Variants in NFYA observed in about 807,000 individuals in gnomAD.
The protein encoded by NFYA is nuclear transcription factor Y subunit alpha.
NFYA carries 28 observed loss-of-function variants against 52.8 expected under a neutral mutation model. The ratio of observed to expected loss-of-function variants is 0.53; its 90% CI spans 0.39 to 0.73. The LOEUF is 0.73. Ranked by LOEUF, NFYA falls within the 30% of genes least tolerant of loss-of-function variation. NFYA has a pLI of 0.00. For missense variants in NFYA, 234 were observed against 427.0 expected (o/e 0.55, Z 3.98); for synonymous variants, 150 against 150.7 (o/e 1.00, Z 0.03).
At position 41,097,392 on chromosome 6, in the gene NFYA, G is replaced by T; in HGVS notation, c.1026G>T (p.Gln342His). The change falls in exon 10 of 10, where the codon CAG becomes CAT. Residue 342 changes from glutamine (Q) to histidine (H), a missense_variant. By Grantham distance (24) the Gln-to-His change is conservative (BLOSUM62 0). This residue lies in a region of NFYA where 35 missense variants were observed against 34.2 expected (regional missense o/e 1.02). Transcript: ENST00000341376. ...PNQADEEAMT[Q>H]IIRVS ...AAGCCGATGAAGAAGCAATGACACAGATCATCCGAGTGTCCTAACCCCACG... is the reference window on the plus strand; with the variant it reads ...AAGCCGATGAAGAAGCAATGACACATATCATCCGAGTGTCCTAACCCCACG... The T allele has an allele frequency of 2.5e-6, 4 of 1,614,018 alleles. No homozygotes were observed. The highest frequency in any genetic ancestry group is 3.4e-6 in the Non-Finnish European group (4 of 1,179,918).
chr6:41,097,169 G>A (rs1422987955), intron 9 of NFYA, among the ~76,000 whole-genome samples, 188 bp from the exon 10 acceptor site: 2 of 152,142 alleles, frequency 1.3e-5, no homozygotes, highest in Non-Finnish European at 2.9e-5. Flanking sequence ...TTAAGAATAA[G>A]GTTTATTGTC....
At chr6:41,078,968 T>G (rs1327850666) in intron 1 of NFYA, 61 bp from the exon 2 acceptor site, 7 of 720,120 alleles carry the variant, frequency 9.7e-6, no homozygotes, top group Non-Finnish European at 1.4e-5. Flanking sequence ...TCCAGGTTAA[T>G]TGTCTGGTAA....
intron 1 of NFYA, among the ~76,000 whole-genome samples, chr6:41,073,945 G>GT (rs979523206): frequency 6.6e-6 from 1 of 151,496 alleles, no homozygotes; most frequent in African/African-American, 2.4e-5. Flanking sequence ...TGTCCGGGCT[G>GT]TAAGACCAGT....
At chr6:41,074,784 T>C (rs1258348034) in intron 1 of NFYA, among the ~76,000 whole-genome samples, 1 of 152,216 alleles carries the variant, frequency 6.6e-6, no homozygotes, top group Non-Finnish European at 1.5e-5. Context: ...TTTCCTAAGA[T>C]TGAAAAAACG....
At position 41,090,454 on chromosome 6, in the gene NFYA, T is replaced by C. The variant is rs949898194; in HGVS notation, c.547+145T>C. 1.6e-5 allele frequency: 9 copies of C among 562,674 alleles called. No homozygotes were observed. The East Asian group carries it at 1.8e-4, about 11-fold the overall frequency. 34.9% of individuals were successfully genotyped at this position (562,674 alleles called of 1,614,324 possible). A position where few individuals can be genotyped will look rare whatever the true frequency, so the allele number is the denominator to read the frequency against. ...AAAAAAGATTTCCTCTAGCTCTCCA[T>C]TGATTGTTGGTTTCTTGTCACCATC... On this transcript the variant is annotated intron_variant, in intron 6 of 9. Coordinates refer to ENST00000341376, the MANE Select transcript of NFYA (RefSeq NM_002505.5).
chr6:41,086,137 C>T (rs917417188), intron 4 of NFYA, among the ~76,000 whole-genome samples: 3 of 152,184 alleles, frequency 2.0e-5, no homozygotes, highest in Non-Finnish European at 2.9e-5. Context: ...CCCCTTGCTG[C>T]GCCTTCTCCA....
intron 4 of NFYA, among the ~76,000 whole-genome samples, chr6:41,086,578 CT>C (rs1264799918): frequency 6.6e-6 from 1 of 151,934 alleles, no homozygotes; most frequent in Non-Finnish European, 1.5e-5. Context: ...ACTTCTTAAC[CT>C]TTTTTGAATT....
Position 41,101,971 on chromosome 6 carries a change from A to T in NFYA, c.*4561A>T, listed in dbSNP as rs1177447203. Reference sequence around the variant, plus strand: ...GGAGAAAGGGGCCAAAAAGTTTAGGATTTGGAGTTAACATCGTAATTTCTG... The same window carrying T: ...GGAGAAAGGGGCCAAAAAGTTTAGGTTTTGGAGTTAACATCGTAATTTCTG... On this transcript the variant is annotated 3_prime_UTR_variant, in exon 10 of 10. Transcript: ENST00000341376. 6.6e-6 allele frequency: 1 copy of T among 152,218 alleles called. No homozygotes were observed. The highest frequency in any genetic ancestry group is 2.4e-5 in the African/African-American group (1 of 41,432). The allele number at this position is 152,218 out of a possible 1,614,324, so 9.4% of individuals were successfully genotyped here. A position where few individuals can be genotyped will look rare whatever the true frequency, so the allele number is the denominator to read the frequency against.
chr6:41,075,970 A>G (rs1394271854), intron 1 of NFYA, among the ~76,000 whole-genome samples: 1 of 152,222 alleles, frequency 6.6e-6, no homozygotes, highest in Non-Finnish European at 1.5e-5. Context: ...GAAAGCTCCA[A>G]TCCAGAAATC....
intron 7 of NFYA, 77 bp from the exon 8 acceptor site, chr6:41,092,831 AATGG>A (rs1764230955): frequency 6.8e-7 from 1 of 1,460,012 alleles, no homozygotes; most frequent in Non-Finnish European, 9.2e-7. Context: ...TTACAAAAAA[AATGG>A]ATGAAGAGGA....
Position 41,085,117 on chromosome 6 carries a change from CATT to C in NFYA, c.309+929_309+931del, listed in dbSNP as rs553799334. Among the ~76,000 whole-genome samples the C allele has an allele frequency of 1.8e-3, 267 of 152,094 alleles. 3 individuals are homozygous for C. Among genetic ancestry groups the C allele is most frequent in the African/African-American group, 5.6e-3 (234 of 41,498 alleles). ...ATGGATGTGGAGAAAAAGAATTAAT[CATT>C]ATTTTTGGTAATTTAAAACTGTAGA... On this transcript the variant is annotated intron_variant, in intron 4 of 9. Transcript: ENST00000341376.
At chr6:41,073,301 A>T (rs1763588439) in intron 1 of NFYA, among the ~76,000 whole-genome samples, 1 of 150,832 alleles carries the variant, frequency 6.6e-6, no homozygotes, top group South Asian at 2.1e-4. Flanking sequence ...CCGCGCGGGG[A>T]TGGCGCCTCG....
chr6:41,093,126 C>A (rs750631193), intron 8 of NFYA, 41 bp downstream of exon 8: 190 of 1,547,210 alleles, frequency 1.2e-4, no homozygotes, highest in Non-Finnish European at 1.5e-4. Context: ...AGGAGAATAG[C>A]AGGGTTCTAC....
In NFYA at chr6:41,093,086, G is replaced by A; in HGVS notation, c.888+1G>A. On this transcript the variant is annotated splice_donor_variant, in intron 8 of 9. Coordinates refer to ENST00000341376, the MANE Select transcript of NFYA (RefSeq NM_002505.5). LOFTEE classifies it high-confidence loss of function. ...AGGGAAAATTCCAAAGGAGAGAAGG[G>A]TATGTATAACATTGGGAAGGATATA... 1.2e-6 allele frequency: 2 copies of A among 1,613,704 alleles called. No individual in the cohort carries two copies. The highest frequency in any genetic ancestry group is 1.7e-6 in the Non-Finnish European group (2 of 1,179,740).
chr6:41,073,070 GGGGAGCGA>G lies in NFYA; in HGVS notation c.-73_-66del, dbSNP rs1763561570. On this transcript the variant is annotated 5_prime_UTR_variant, in exon 1 of 10. Coordinates refer to ENST00000341376, the MANE Select transcript of NFYA (RefSeq NM_002505.5). ...GCCAATCAGCGCGGGCAGCGAACCG[GGGGAGCGA>G]GGCACGGTGAGTGTGAGGAGCCAAT... 1.3e-5 allele frequency: 2 copies of G among 153,922 alleles called. No individual in the cohort carries two copies. The highest frequency in any genetic ancestry group is 4.8e-5 in the African/African-American group (2 of 41,470). The allele number at this position is 153,922 out of a possible 1,614,324, so 9.5% of individuals were successfully genotyped here.
chr6:41,086,206 CA>C (rs10712220), intron 4 of NFYA, among the ~76,000 whole-genome samples: 33,604 of 151,906 alleles, frequency 0.22, 5,374 homozygotes, highest in African/African-American at 0.45. Flanking sequence ...TGTAGTGGTC[CA>C]AGCTTTCATT....
chr6:41,089,624 G>A lies in NFYA; in HGVS notation c.355G>A (p.Ala119Thr). 2 of 1,612,662 alleles carry A rather than the reference G, an allele frequency of 1.2e-6. No homozygotes were observed. The highest frequency in any genetic ancestry group is 1.7e-6 in the Non-Finnish European group (2 of 1,180,002). ...ACAGATCCAGATCCAGGGTGGACAG[G>A]CTGTGCAGGTGCAGGGCCAGCAGGG... is the stretch of plus-strand genomic sequence containing the variant. ...PGQIQIQGGQ[A>T]VQVQGQQGQT... The change falls in exon 5 of 10, where the codon GCT (alanine) becomes ACT (threonine). Residue 119 changes from alanine (A) to threonine (T), a missense_variant. Around this residue, in one of 3 missense-constraint regions of NFYA, gnomAD observed 118 missense variants for 182.4 expected, o/e 0.65. Transcript: ENST00000341376.
intron 9 of NFYA, among the ~76,000 whole-genome samples, chr6:41,096,144 AT>A (rs1408234431): frequency 6.6e-6 from 1 of 152,130 alleles, no homozygotes; most frequent in African/African-American, 2.4e-5. Context: ...AATAGTTCTC[AT>A]TTCTTAACTG....
intron 1 of NFYA, among the ~76,000 whole-genome samples, chr6:41,073,939 C>A (rs150446273): frequency 1.3e-5 from 2 of 152,218 alleles, no homozygotes; most frequent in African/African-American, 4.8e-5. Context: ...GTTTCTTGTC[C>A]GGGCTGTAAG....
Sources: gnomAD v4.1 joint callset for allele counts (sites outside exome capture counted in the v4.1 genomes callset) on GRCh38, gnomAD v4.1.1 for gene constraint, gnomAD v4.1.1 regional missense constraint, MANE v1.5 for transcripts, NCBI Gene and HGNC (gene_info 2026-07-23, HGNC 2026-07-21) for gene names.